The following RIMS3 variants were observed in gnomAD, a reference collection of about 807,000 sequenced individuals.
The protein encoded by RIMS3 is regulating synaptic membrane exocytosis 3, also known as regulating synaptic membrane exocytosis protein 3.
Under a neutral mutation model 29.2 loss-of-function variants are expected in RIMS3, and 15 were observed. That is an observed-to-expected ratio of 0.51 (90% CI 0.34 to 0.79). The LOEUF is 0.79. Ranked by LOEUF, RIMS3 falls within the 30% of genes least tolerant of loss-of-function variation. RIMS3 has a pLI of 0.01. For missense variants in RIMS3, 342 were observed against 421.4 expected (o/e 0.81, Z 1.65); for synonymous variants, 161 against 170.1 (o/e 0.95, Z 0.41).
the RIMS3 span, among the ~76,000 whole-genome samples, chr1:40,679,890 A>T: frequency 2.1e-5 from 3 of 142,456 alleles, no homozygotes; most frequent in Non-Finnish European, 4.6e-5. Flanking sequence ...GATGACTAGA[A>T]TTTTTTTTTT....
chr1:40,632,418 TTATATATATATATATA>T (rs56394507), intron 5 of RIMS3, among the ~76,000 whole-genome samples: 12,722 of 88,020 alleles, frequency 0.14, 778 homozygotes, highest in East Asian at 0.28. Context: ...ACATATAAAT[TTATATATATATATATA>T]TATATATATA....
At chr1:40,659,464 C>A (rs1164450289) in intron 1 of RIMS3, among the ~76,000 whole-genome samples, 1 of 152,126 alleles carries the variant, frequency 6.6e-6, no homozygotes, top group Non-Finnish European at 1.5e-5. Context: ...CTGGAAAAGG[C>A]AGGCCTGGAG....
At chr1:40,643,363 C>A (rs1223559096) in intron 2 of RIMS3, among the ~76,000 whole-genome samples, 1 of 151,896 alleles carries the variant, frequency 6.6e-6, no homozygotes. Flanking sequence ...GAACTCCTGA[C>A]CCCAGGTAAT....
At chr1:40,641,333 C>T (rs1479264629) in intron 3 of RIMS3, among the ~76,000 whole-genome samples, 1 of 152,144 alleles carries the variant, frequency 6.6e-6, no homozygotes, top group East Asian at 1.9e-4. Flanking sequence ...TACACAGTGC[C>T]AGGATCATAA....
chr1:40,672,477 C>T, the RIMS3 span, among the ~76,000 whole-genome samples: 3 of 152,130 alleles, frequency 2.0e-5, no homozygotes, highest in Non-Finnish European at 4.4e-5. Context: ...GGATTACAGG[C>T]GTGAGCCACC....
Position 40,626,334 on chromosome 1 carries a change from ACACACACGCACGCACACACG to A in RIMS3, c.*163_*182del. ...ATAGAACGTGGTCACGTACACACAC[ACACACACGCACGCACACACG>A]CACACACTACAGTCTCCACTGCCAG... is the stretch of plus-strand genomic sequence containing the variant. On this transcript the variant is annotated 3_prime_UTR_variant, in exon 8 of 8. Coordinates refer to ENST00000372684, the MANE Select transcript of RIMS3 (RefSeq NM_014747.3). The A allele has an allele frequency of 3.1e-6, 2 of 653,962 alleles. No homozygotes were observed. The highest frequency in any genetic ancestry group is 5.5e-6 in the Non-Finnish European group (2 of 362,690). The allele number at this position is 653,962 out of a possible 1,614,324, so 40.5% of individuals were successfully genotyped here.
upstream of RIMS3, among the ~76,000 whole-genome samples, chr1:40,669,917 C>G (rs887190247): frequency 1.3e-5 from 2 of 152,170 alleles, no homozygotes; most frequent in African/African-American, 2.4e-5. Flanking sequence ...ATTCCTTCCT[C>G]TTCCTCACTT....
chr1:40,680,825 C>A, the RIMS3 span, among the ~76,000 whole-genome samples: 1 of 152,160 alleles, frequency 6.6e-6, no homozygotes, highest in Admixed American at 6.5e-5. Context: ...TTATTTATGA[C>A]CTGCAATCAT....
intron 1 of RIMS3, among the ~76,000 whole-genome samples, chr1:40,651,343 T>C (rs1646631137): frequency 6.6e-6 from 1 of 152,124 alleles, no homozygotes; most frequent in Non-Finnish European, 1.5e-5. Context: ...GACGCGTCAA[T>C]GCGCCAAGGA....
intron 5 of RIMS3, among the ~76,000 whole-genome samples, chr1:40,631,238 G>A (rs949916016): frequency 3.3e-5 from 5 of 152,182 alleles, no homozygotes; most frequent in African/African-American, 1.2e-4. Flanking sequence ...CTAAGAGAGG[G>A]AGGGGGCAGG....
At chr1:40,670,963 T>A in the RIMS3 span, among the ~76,000 whole-genome samples, 39 of 152,262 alleles carry the variant, frequency 2.6e-4, no homozygotes, top group African/African-American at 8.2e-4. Context: ...TAGCATTTTT[T>A]AAATGTCACT....
Position 40,623,417 on chromosome 1 carries a change from C to T in RIMS3, c.*3100G>A, listed in dbSNP as rs1429343029. 15 of 398,456 alleles carry T rather than the reference C, an allele frequency of 3.8e-5. No homozygotes were observed. In the South Asian group the frequency reaches 7.6e-4, roughly 20 times the overall value. 24.7% of individuals were successfully genotyped at this position (398,456 alleles called of 1,614,324 possible). A position where few individuals can be genotyped will look rare whatever the true frequency, so the allele number is the denominator to read the frequency against. On this transcript the variant is annotated 3_prime_UTR_variant, in exon 8 of 8. Coordinates refer to ENST00000372684, the MANE Select transcript of RIMS3 (RefSeq NM_014747.3). ...AACAGAGCAGAAATACAAAGACAGA[C>T]GCTCTGAGTCATCCATCACTGTCCC...
intron 1 of RIMS3, among the ~76,000 whole-genome samples, chr1:40,663,645 C>T (rs1642384195): frequency 6.6e-6 from 1 of 152,172 alleles, no homozygotes; most frequent in Non-Finnish European, 1.5e-5. Context: ...AGAGTAGCAG[C>T]TTTAGGCCTG....
At chr1:40,653,365 C>G (rs1054979183) in intron 1 of RIMS3, among the ~76,000 whole-genome samples, 2 of 152,086 alleles carry the variant, frequency 1.3e-5, no homozygotes, top group African/African-American at 4.8e-5. Context: ...GAGGAACTCA[C>G]AGAAGATGCC....
chr1:40,645,500 G>A (rs1219921476), intron 2 of RIMS3, among the ~76,000 whole-genome samples: 1 of 152,140 alleles, frequency 6.6e-6, no homozygotes, highest in Non-Finnish European at 1.5e-5. Context: ...AAAAATGGAG[G>A]CCCGGCCCTT....
chr1:40,654,066 G>A lies in RIMS3; in HGVS notation c.-206-6224C>T, dbSNP rs530906450. 3.6e-4 allele frequency among the ~76,000 whole-genome samples: 55 copies of A among 152,128 alleles called. No individual in the cohort carries two copies. The highest frequency in any genetic ancestry group is 3.5e-3 in the South Asian group (17 of 4,820). ...CTCCCCCTCCCACACCCTCGCTGGG[G>A]GAGACACGGCAGTACCACGGACAGC... On this transcript the variant is annotated intron_variant, in intron 1 of 7. Transcript: ENST00000372684. This position sits in a 1 kb window ranked among gnomAD's most constrained non-coding sequence, Gnocchi z 5.3.
At chr1:40,682,833 C>T in the RIMS3 span, among the ~76,000 whole-genome samples, 4 of 140,038 alleles carry the variant, frequency 2.9e-5, no homozygotes, top group Non-Finnish European at 4.6e-5. Context: ...CTCTGCCTCC[C>T]GGGTTCAAGC....
rs146314429 is a variant in RIMS3, at chr1:40,650,361, A to G, written c.-206-2519T>C. Among the ~76,000 whole-genome samples the G allele has an allele frequency of 1.2e-3, 176 of 152,206 alleles. 3 individuals carry two copies. Among genetic ancestry groups the G allele is most frequent in the African/African-American group, 4.1e-3 (170 of 41,530 alleles). Reference sequence around the variant, plus strand: ...TACCGCCTGAGTCAGTTTTGGGAGGAGCCAGCCTACAAAGCAGAATGAATC... The same window carrying G: ...TACCGCCTGAGTCAGTTTTGGGAGGGGCCAGCCTACAAAGCAGAATGAATC... On this transcript the variant is annotated intron_variant, in intron 1 of 7. Coordinates refer to ENST00000372684, the MANE Select transcript of RIMS3 (RefSeq NM_014747.3).
At chr1:40,683,177 C>T in the RIMS3 span, among the ~76,000 whole-genome samples, 1 of 152,308 alleles carries the variant, frequency 6.6e-6, no homozygotes, top group African/African-American at 2.4e-5. Flanking sequence ...AGACAATATT[C>T]CATGCTGCTT....
Sources: gnomAD v4.1 joint callset for allele counts (sites outside exome capture counted in the v4.1 genomes callset) on GRCh38, gnomAD v4.1.1 for gene constraint, Gnocchi (gnomAD v3.1) non-coding constraint, MANE v1.5 for transcripts, NCBI Gene and HGNC (gene_info 2026-07-23, HGNC 2026-07-21) for gene names.